LARP4B: variants seen among roughly 807,000 people sequenced by gnomAD.
LARP4B encodes the protein La ribonucleoprotein 4B.
A neutral mutation model predicts 89.8 loss-of-function variants in LARP4B; 12 were observed. The ratio of observed to expected loss-of-function variants is 0.13; its 90% CI spans 0.09 to 0.22. The LOEUF (loss-of-function observed/expected upper bound fraction) is 0.22, where lower values mean the gene tolerates loss of function less well. Among genes scored for constraint, LARP4B ranks in the 10% least tolerant of loss-of-function variants. LARP4B has a pLI of 1.00. For missense variants in LARP4B, 757 were observed against 947.7 expected, an observed-to-expected ratio of 0.80 and a Z score of 2.64; for synonymous variants, 367 against 363.3, an observed-to-expected ratio of 1.01 and a Z score of -0.12.
the LARP4B span, among the ~76,000 whole-genome samples, chr10:965,101 G>A: frequency 3.3e-5 from 5 of 152,198 alleles, no homozygotes; most frequent in African/African-American, 7.2e-5. Flanking sequence ...CTAGGTCCTC[G>A]CGGCTCAGCA....
chr10:935,382 T>A (rs1411375536), upstream of LARP4B, among the ~76,000 whole-genome samples: 1 of 152,224 alleles, frequency 6.6e-6, no homozygotes, highest in Admixed American at 6.5e-5. Context: ...ATGTGCTTCC[T>A]GTACTTGGAT....
In LARP4B at chr10:830,909, A is replaced by G; in HGVS notation, c.819T>C (p.Asp273=). 1 of 1,435,582 alleles carries G rather than the reference A, an allele frequency of 7.0e-7. No individual in the cohort carries two copies. The highest frequency in any genetic ancestry group is 9.8e-7 in the Non-Finnish European group (1 of 1,022,144). The allele number at this position is 1,435,582 out of a possible 1,614,324, so 88.9% of individuals were successfully genotyped here. Residue 273 remains aspartate (D), a synonymous_variant, in exon 9 of 18, where the codon GAT becomes GAC. Coordinates refer to ENST00000316157, the MANE Select transcript of LARP4B (RefSeq NM_015155.3). ...KFINCEFAYN[D]NWFITFETEA... ...CTGTTTCAAATGTAATAAACCAATT[A>G]TCATTATATGCAAATTCACAGTTTA...
Position 895,706 on chromosome 10 carries a change from G to A in LARP4B, c.-39-9946C>T, listed in dbSNP as rs138168846. On this transcript the variant is annotated intron_variant, in intron 1 of 17. Coordinates refer to ENST00000316157, the MANE Select transcript of LARP4B (RefSeq NM_015155.3). ...AAAAAAAGAAAAGAAAAGTAGAAAC[G>A]AATGCAGTATGTTACAATTACTTAA... Among the ~76,000 whole-genome samples the A allele has an allele frequency of 3.8e-3, 572 of 149,412 alleles. 5 individuals carry two copies. The highest frequency in any genetic ancestry group is 5.1e-3 in the Non-Finnish European group (343 of 67,478).
At chr10:935,232 T>G (rs1298709310), upstream of LARP4B, among the ~76,000 whole-genome samples, 1 of 152,140 alleles carries the variant, frequency 6.6e-6, no homozygotes. Context: ...AAGTCCACAG[T>G]TCATAGTGTG....
chr10:874,659 T>C (rs1835387552), intron 3 of LARP4B, among the ~76,000 whole-genome samples: 1 of 152,244 alleles, frequency 6.6e-6, no homozygotes, highest in Non-Finnish European at 1.5e-5. Context: ...ATAATTCTTT[T>C]AGTTCCTCTG....
the LARP4B span, among the ~76,000 whole-genome samples, chr10:975,064 GCAGATCAAACCAGCACA>G: frequency 6.6e-6 from 1 of 152,188 alleles, no homozygotes. Context: ...CACCACCACA[GCAGATCAAACCAGCACA>G]CAGAAATGCC....
chr10:820,809 C>G lies in LARP4B; in HGVS notation c.1521G>C (p.Glu507Asp). 6.2e-7 allele frequency: 1 copy of G among 1,613,486 alleles called. No homozygotes were observed. The highest frequency in any genetic ancestry group is 8.5e-7 in the Non-Finnish European group (1 of 1,179,446). ...NSFGYRKKREEKFTSSQTQSP... is the reference protein window; with the variant it reads ...NSFGYRKKREDKFTSSQTQSP... ...TGCTTTATGTACTCACTGTAAACTT[C>G]TCCTCCCTTTTCTTCCGGTAGCCAA... The change falls in exon 14 of 18, where the codon GAG (glutamate) becomes GAC (aspartate). Residue 507 changes from glutamate (E) to aspartate (D), a missense_variant. By Grantham distance (45) the Glu-to-Asp change is conservative. Transcript: ENST00000316157.
rs1431990823 is a variant in LARP4B, at chr10:825,114, G to A, written c.1435C>T (p.Arg479Cys). Residue 479 changes from arginine (R) to cysteine (C), a missense_variant, in exon 13 of 18, where the codon CGT (arginine) becomes TGT (cysteine). Coordinates refer to ENST00000316157, the MANE Select transcript of LARP4B (RefSeq NM_015155.3). ...AYAKREAGPG[R>C]VEPGSLESSP... is the part of the protein sequence containing the mutation. ...GATTCGAGACTGCCTGGCTCCACAC[G>A]CCCAGGCCCAGCCTCTCTCTTGGCA... The A allele has an allele frequency of 1.5e-5, 24 of 1,613,980 alleles. No individual in the cohort carries two copies. Among genetic ancestry groups the A allele is most frequent in the South Asian group, 7.7e-5 (7 of 91,068 alleles).
chr10:937,730 T>A, the LARP4B span, among the ~76,000 whole-genome samples: 1 of 152,070 alleles, frequency 6.6e-6, no homozygotes, highest in Non-Finnish European at 1.5e-5. Flanking sequence ...GTCAAGGTCA[T>A]AAAAGACAAT....
Position 820,806 on chromosome 10 carries a change from C to G in LARP4B, c.1524G>C (p.Lys508Asn), listed in dbSNP as rs200225536. The G allele has an allele frequency of 3.7e-6, 6 of 1,613,110 alleles. No individual in the cohort carries two copies. Among genetic ancestry groups the G allele is most frequent in the Non-Finnish European group, 5.1e-6 (6 of 1,179,248 alleles). Reference sequence around the variant, plus strand: ...ATATGCTTTATGTACTCACTGTAAACTTCTCCTCCCTTTTCTTCCGGTAGC... The same window carrying G: ...ATATGCTTTATGTACTCACTGTAAAGTTCTCCTCCCTTTTCTTCCGGTAGC... ...SFGYRKKREEKFTSSQTQSPT... is the reference protein window; with the variant it reads ...SFGYRKKREENFTSSQTQSPT... The change falls in exon 14 of 18, where the codon AAG becomes AAC. Residue 508 changes from lysine to asparagine, a missense_variant. This residue lies in a region of LARP4B where 387 missense variants were observed against 423.6 expected (regional missense o/e 0.91). Transcript: ENST00000316157.
rs145677703 is a variant in LARP4B at position 812,752 on chromosome 10, C to T, written c.*174G>A. 1.5e-5 allele frequency: 7 copies of T among 453,736 alleles called. No homozygotes were observed. Among genetic ancestry groups the T allele is most frequent in the African/African-American group, 1.0e-4 (5 of 49,732 alleles). 28.1% of individuals were successfully genotyped at this position (453,736 alleles called of 1,614,324 possible). A position where few individuals can be genotyped will look rare whatever the true frequency, so the allele number is the denominator to read the frequency against. Reference sequence around the variant, plus strand: ...TTGTATTAATTAAATCCTGAAAAATCGATTTTTTTTCAAGAGGGGGAGAAT... The same window carrying T: ...TTGTATTAATTAAATCCTGAAAAATTGATTTTTTTTCAAGAGGGGGAGAAT... On this transcript the variant is annotated 3_prime_UTR_variant, in exon 18 of 18. Transcript: ENST00000316157.
At chr10:936,917 G>A in the LARP4B span, among the ~76,000 whole-genome samples, 2 of 152,158 alleles carry the variant, frequency 1.3e-5, no homozygotes, top group South Asian at 2.1e-4. Flanking sequence ...AAAAAAGAAC[G>A]CATGAGCTTT....
the LARP4B span, among the ~76,000 whole-genome samples, chr10:946,929 C>T: frequency 2.0e-5 from 3 of 152,162 alleles, no homozygotes; most frequent in East Asian, 1.9e-4. Context: ...AATTCAGTGG[C>T]GCAATTTTGG....
At chr10:867,122 T>C (rs1834941007) in intron 3 of LARP4B, among the ~76,000 whole-genome samples, 1 of 152,252 alleles carries the variant, frequency 6.6e-6, no homozygotes, top group East Asian at 1.9e-4. Context: ...GACTACCTCT[T>C]AGTGAAGAAG....
At chr10:859,552 T>G (rs1285351185) in intron 5 of LARP4B, among the ~76,000 whole-genome samples, 1 of 152,162 alleles carries the variant, frequency 6.6e-6, no homozygotes, top group African/African-American at 2.4e-5. Flanking sequence ...GTTAAAAACT[T>G]CCTTCCGTAC....
intron 1 of LARP4B, among the ~76,000 whole-genome samples, chr10:914,356 G>C (rs1836758187): frequency 2.0e-5 from 3 of 152,084 alleles, no homozygotes; most frequent in Admixed American, 6.5e-5. Context: ...AGAGATCTTT[G>C]TATGGTCAAA....
chr10:839,704 G>A (rs1041171977), intron 7 of LARP4B, among the ~76,000 whole-genome samples: 13 of 152,156 alleles, frequency 8.5e-5, no homozygotes, highest in African/African-American at 2.9e-4. Context: ...GTGGCCAACC[G>A]TAAAATGGTC....
At chr10:829,655 A>G (rs1463453369) in intron 10 of LARP4B, 26 bp downstream of exon 10, 2 of 1,611,186 alleles carry the variant, frequency 1.2e-6, no homozygotes, top group Non-Finnish European at 1.7e-6. Context: ...GCAAATAAAC[A>G]AAGTATAACC....
intron 7 of LARP4B, among the ~76,000 whole-genome samples, chr10:841,594 G>A (rs577245730): frequency 2.3e-4 from 35 of 152,320 alleles, no homozygotes; most frequent in African/African-American, 7.0e-4. Context: ...AGGTCTGTCC[G>A]AAAAGGAATA....
Sources: gnomAD v4.1 joint callset for allele counts (sites outside exome capture counted in the v4.1 genomes callset) on GRCh38, gnomAD v4.1.1 for gene constraint, gnomAD v4.1.1 regional missense constraint, MANE v1.5 for transcripts, NCBI Gene and HGNC (gene_info 2026-07-23, HGNC 2026-07-21) for gene names.